CEACAM21: variants seen among roughly 807,000 people sequenced by gnomAD.
CEACAM21 encodes the protein cell adhesion molecule CEACAM21.
Under a neutral mutation model 33.2 loss-of-function variants are expected in CEACAM21, and 38 were observed. That is an observed-to-expected ratio of 1.14 (90% confidence interval 0.88 to 1.50). The LOEUF (loss-of-function observed/expected upper bound fraction) is 1.50. CEACAM21 is among the 40% of genes most tolerant of loss of function. The pLI is 0.00. For missense variants in CEACAM21, 385 were observed against 364.6 expected (o/e 1.06, Z -0.46); for synonymous variants, 156 against 143.0 (o/e 1.09, Z -0.65).
intron 1 of CEACAM21, chr19:41,555,408 GA>G (rs1349888658): frequency 6.0e-5 from 9 of 151,218 alleles, no homozygotes; most frequent in African/African-American, 1.9e-4. Flanking sequence ...GTCATATTTG[GA>G]GGCCAATCTA....
chr19:41,579,510 G>T lies in CEACAM21; in HGVS notation c.582G>T (p.Trp194Cys). 3 of 1,613,692 alleles carry T rather than the reference G, an allele frequency of 1.9e-6. No homozygotes were observed. The highest frequency in any genetic ancestry group is 2.5e-6 in the Non-Finnish European group (3 of 1,179,764). Reference protein sequence around the residue: ...LQVTKRMKLSWFNHVLTIDPI... With the variant: ...LQVTKRMKLSCFNHVLTIDPI... Reference sequence around the variant, plus strand: ...TCACGAAGAGGATGAAGCTGTCCTGGTTTAACCATGTGCTCACCATAGACC... The same window carrying T: ...TCACGAAGAGGATGAAGCTGTCCTGTTTTAACCATGTGCTCACCATAGACC... Residue 194 changes from tryptophan (W) to cysteine (C), a missense_variant, in exon 3 of 7, where the codon TGG becomes TGT. Trp to Cys is a radical substitution (Grantham distance 215). Coordinates refer to ENST00000401445, the MANE Select transcript of CEACAM21 (RefSeq NM_001098506.4).
At chr19:41,554,011 G>C (rs1318061052) in intron 1 of CEACAM21, among the ~76,000 whole-genome samples, 1 of 152,056 alleles carries the variant, frequency 6.6e-6, no homozygotes, top group Non-Finnish European at 1.5e-5. Context: ...AGTATATTTT[G>C]ATTAATCGTT....
intron 3 of CEACAM21, 53 bp downstream of exon 3, chr19:41,579,681 GGA>G (rs782396835): frequency 1.3e-4 from 164 of 1,266,984 alleles, no homozygotes; most frequent in Non-Finnish European, 4.2e-5. Context: ...TTCCTAGGAG[GGA>G]GGGGGGGTGT....
intron 2 of CEACAM21, among the ~76,000 whole-genome samples, chr19:41,570,974 G>T (rs1319503068): frequency 2.6e-5 from 4 of 152,100 alleles, no homozygotes; most frequent in African/African-American, 9.7e-5. Flanking sequence ...GGAAGCTTCA[G>T]GGAAGCTGCG....
At chr19:41,553,374 G>T (rs2041341172) in intron 1 of CEACAM21, among the ~76,000 whole-genome samples, 1 of 152,000 alleles carries the variant, frequency 6.6e-6, no homozygotes, top group African/African-American at 2.4e-5. Context: ...AAAGTGCTGG[G>T]ATTACAGGAG....
intron 2 of CEACAM21, 141 bp from the exon 3 acceptor site, chr19:41,579,212 G>T: frequency 1.5e-6 from 2 of 1,374,310 alleles, no homozygotes; most frequent in African/African-American, 1.4e-5. Flanking sequence ...TCGCTGCTAT[G>T]GGTGTCTCTG....
intron 1 of CEACAM21, among the ~76,000 whole-genome samples, chr19:41,557,169 T>C (rs917845370): frequency 6.6e-6 from 1 of 152,094 alleles, no homozygotes. Context: ...AAAGATCTCC[T>C]CCCCTCCAAA....
At chr19:41,556,179 G>A (rs1412863550) in intron 1 of CEACAM21, among the ~76,000 whole-genome samples, 3 of 152,200 alleles carry the variant, frequency 2.0e-5, no homozygotes, top group African/African-American at 7.2e-5. Flanking sequence ...GATGCCAAAA[G>A]GAAGGTAAAG....
chr19:41,564,368 T>C (rs1555787720), intron 1 of CEACAM21, among the ~76,000 whole-genome samples: 1 of 151,906 alleles, frequency 6.6e-6, no homozygotes, highest in African/African-American at 2.4e-5. Context: ...ATTTATTTAT[T>C]ATTTTGCCCT....
At position 41,585,457 on chromosome 19, in the gene CEACAM21, G is replaced by A. The variant is rs2070662031; in HGVS notation, c.812G>A (p.Ser271Asn). The A allele has an allele frequency of 3.1e-6, 5 of 1,613,820 alleles. No individual in the cohort carries two copies. Among genetic ancestry groups the A allele is most frequent in the Non-Finnish European group, 4.2e-6 (5 of 1,179,790 alleles). The change falls in exon 5 of 7, where the codon AGT (serine) becomes AAT (asparagine). Residue 271 changes from serine to asparagine, a missense_variant. By Grantham distance (46) the Ser-to-Asn change is conservative. Transcript: ENST00000401445. ...ACCTTTCCTAGGGCCAGCGATCAGAGTGACTTCAGGGAGCAGCAGCCCCCA... is the reference window on the plus strand; with the variant it reads ...ACCTTTCCTAGGGCCAGCGATCAGAATGACTTCAGGGAGCAGCAGCCCCCA... Reference protein sequence around the residue: ...LRKTGRASDQSDFREQQPPAS... With the variant: ...LRKTGRASDQNDFREQQPPAS...
intron 3 of CEACAM21, among the ~76,000 whole-genome samples, chr19:41,581,229 A>G (rs1489971038): frequency 6.6e-6 from 1 of 152,276 alleles, no homozygotes; most frequent in East Asian, 1.9e-4. Context: ...TTCTTAAGCC[A>G]CAAACAATAG....
At chr19:41,578,303 C>T (rs2043108783) in intron 2 of CEACAM21, among the ~76,000 whole-genome samples, 1 of 142,590 alleles carries the variant, frequency 7.0e-6, no homozygotes. Flanking sequence ...CCAGAGAACT[C>T]TTTTTTTTTT....
chr19:41,562,837 T>G (rs1555787213), intron 1 of CEACAM21, among the ~76,000 whole-genome samples: 1 of 152,164 alleles, frequency 6.6e-6, no homozygotes, highest in Admixed American at 6.5e-5. Flanking sequence ...CACGCCGTTC[T>G]CCTGCCTCAG....
At chr19:41,566,595 A>C (rs1239134925) in intron 2 of CEACAM21, among the ~76,000 whole-genome samples, 2 of 152,144 alleles carry the variant, frequency 1.3e-5, no homozygotes, top group African/African-American at 4.8e-5. Context: ...TTGATTTTGC[A>C]TGTATATTTG....
At chr19:41,579,249 A>T (rs782722813) in intron 2 of CEACAM21, 104 bp from the exon 3 acceptor site, 1 of 1,590,466 alleles carries the variant, frequency 6.3e-7, no homozygotes, top group Non-Finnish European at 8.6e-7. Flanking sequence ...CCTGTCCTTC[A>T]TCTTTCTCCT....
chr19:41,552,444 C>T (rs117425586), intron 1 of CEACAM21, among the ~76,000 whole-genome samples: 4,160 of 152,172 alleles, frequency 0.027, 101 homozygotes, highest in Non-Finnish European at 0.043. Context: ...TAGGTAAAAC[C>T]CTTGGTGGGC....
chr19:41,576,800 G>A (rs117416787), intron 1 of CEACAM21, among the ~76,000 whole-genome samples: 4,198 of 152,258 alleles, frequency 0.028, 99 homozygotes, highest in Non-Finnish European at 0.043. Flanking sequence ...AATCTCATGG[G>A]GGGGAAGACA....
At chr19:41,549,564 T>C (rs1411778516) in intron 1 of CEACAM21, 3 of 152,212 alleles carry the variant, frequency 2.0e-5, no homozygotes, top group Non-Finnish European at 4.4e-5. Flanking sequence ...TATTAGCTTT[T>C]CTCTTTTATT....
At position 41,585,434 on chromosome 19, in the gene CEACAM21, C is replaced by A; in HGVS notation, c.798-9C>A. 6.2e-7 allele frequency: 1 copy of A among 1,613,792 alleles called. No homozygotes were observed. Among genetic ancestry groups the A allele is most frequent in the Non-Finnish European group, 8.5e-7 (1 of 1,179,774 alleles). ...TTGCACCTTCACAAATAACCCTGAC[C>A]TTTCCTAGGGCCAGCGATCAGAGTG... On this transcript the variant is annotated splice_polypyrimidine_tract_variant and intron_variant, in intron 4 of 6. Coordinates refer to ENST00000401445, the MANE Select transcript of CEACAM21 (RefSeq NM_001098506.4).
Sources: gnomAD v4.1 joint callset for allele counts (sites outside exome capture counted in the v4.1 genomes callset) on GRCh38, gnomAD v4.1.1 for gene constraint, MANE v1.5 for transcripts, NCBI Gene and HGNC (gene_info 2026-07-23, HGNC 2026-07-21) for gene names.